PPARD: variants seen among roughly 807,000 people sequenced by gnomAD.
PPARD encodes peroxisome proliferator activated receptor delta, also known as peroxisome proliferator-activated receptor delta.
In PPARD, 6 loss-of-function variants were observed where a neutral mutation model predicts 39.5. That is an observed-to-expected ratio of 0.15 (90% CI 0.08 to 0.30). The LOEUF (loss-of-function observed/expected upper bound fraction) is 0.30, where lower values mean the gene tolerates loss of function less well. Ranked by LOEUF, PPARD falls within the 10% of genes least tolerant of loss-of-function variation. PPARD has a pLI of 1.00. For missense variants in PPARD, 397 were observed against 596.8 expected, an observed-to-expected ratio of 0.67 and a Z score of 3.49; for synonymous variants, 210 against 231.3, an observed-to-expected ratio of 0.91 and a Z score of 0.83.
chr6:35,391,426 G>T (rs983572949), intron 2 of PPARD, among the ~76,000 whole-genome samples: 5 of 152,186 alleles, frequency 3.3e-5, no homozygotes, highest in Admixed American at 6.5e-5. Flanking sequence ...TTAGATTCGG[G>T]TTTACGTTGT....
At chr6:35,421,782 T>C (rs200627356) in intron 4 of PPARD, 38 bp from the exon 5 acceptor site, 12 of 1,570,670 alleles carry the variant, frequency 7.6e-6, no homozygotes, top group Non-Finnish European at 1.0e-5. Context: ...CCCTCCCACC[T>C]CCTGGTGGCC....
At chr6:35,389,174 A>G (rs1434625375) in intron 2 of PPARD, among the ~76,000 whole-genome samples, 1 of 152,230 alleles carries the variant, frequency 6.6e-6, no homozygotes, top group East Asian at 1.9e-4. Flanking sequence ...CAACAGAGCA[A>G]GACCCTGTCT....
In PPARD at chr6:35,406,259, G is replaced by A. The variant is rs563578738; in HGVS notation, c.-101-4728G>A. On this transcript the variant is annotated intron_variant, in intron 2 of 7. Transcript: ENST00000360694. ...ATCTTTAGTGCCAGGGCTTAAGAAA[G>A]GAAGAGGAGAATAGGGTTCATTGCA... Among the ~76,000 whole-genome samples, 52 of 152,324 alleles carry A rather than the reference G, an allele frequency of 3.4e-4. No homozygotes were observed. In the South Asian group the frequency reaches 9.9e-3, roughly 29 times the overall value.
chr6:35,396,866 G>T (rs1180988709), intron 2 of PPARD, among the ~76,000 whole-genome samples: 1 of 152,162 alleles, frequency 6.6e-6, no homozygotes, highest in South Asian at 2.1e-4. Flanking sequence ...TTTCTGTGTT[G>T]CCCAGGGTGG....
chr6:35,381,254 G>C (rs969543061), intron 2 of PPARD, among the ~76,000 whole-genome samples: 4 of 152,006 alleles, frequency 2.6e-5, no homozygotes, highest in African/African-American at 9.7e-5. Flanking sequence ...TATTTGTAAC[G>C]TAATGACAAA....
intron 2 of PPARD, among the ~76,000 whole-genome samples, chr6:35,370,013 A>C (rs532560810): frequency 1.3e-5 from 2 of 152,336 alleles, no homozygotes; most frequent in South Asian, 4.1e-4. Flanking sequence ...ATATTGCCAA[A>C]TTCTAGAAAG....
At position 35,424,808 on chromosome 6, in the gene PPARD, C is replaced by G; in HGVS notation, c.1078+29C>G. The G allele has an allele frequency of 6.2e-7, 1 of 1,603,838 alleles. No homozygotes were observed. Among genetic ancestry groups the G allele is most frequent in the Non-Finnish European group, 8.5e-7 (1 of 1,174,006 alleles). On this transcript the variant is annotated intron_variant, in intron 7 of 7. Coordinates refer to ENST00000360694, the MANE Select transcript of PPARD (RefSeq NM_006238.5). The surrounding 1 kb of genome is among the most constrained non-coding windows in gnomAD (Gnocchi z 7.1). ...AGTGAGAGTGGGGCAGGTGGGCTGG[C>G]CTGGCACACCCAGTCGTCCTGGGGG...
At position 35,424,215 on chromosome 6, in the gene PPARD, T is replaced by G; in HGVS notation, c.627+67T>G. ...TGGGTCCCACTGCCGCCTGCCTGAC[T>G]CCGGGAGAGCCAGGCCTTCTCCCTC... On this transcript the variant is annotated intron_variant, in intron 6 of 7. Transcript: ENST00000360694. This position sits in a 1 kb window ranked among gnomAD's most constrained non-coding sequence, Gnocchi z 7.1. 5 of 1,597,828 alleles carry G rather than the reference T, an allele frequency of 3.1e-6. No homozygotes were observed. The highest frequency in any genetic ancestry group is 4.3e-6 in the Non-Finnish European group (5 of 1,171,466).
rs1036934491 is a variant in PPARD at position 35,412,020 on chromosome 6, C to G, written c.130+803C>G. On this transcript the variant is annotated intron_variant, in intron 3 of 7. Coordinates refer to ENST00000360694, the MANE Select transcript of PPARD (RefSeq NM_006238.5). This position sits in a 1 kb window ranked among gnomAD's most constrained non-coding sequence, Gnocchi z 4.1. Reference sequence around the variant, plus strand: ...CTCAGCTCACTGCAACCTCTGCCTCCTGGGTTCAAGTGATTCTCCTGCCTC... The same window carrying G: ...CTCAGCTCACTGCAACCTCTGCCTCGTGGGTTCAAGTGATTCTCCTGCCTC... Among the ~76,000 whole-genome samples the G allele has an allele frequency of 3.3e-5, 5 of 152,192 alleles. No homozygotes were observed. Among genetic ancestry groups the G allele is most frequent in the African/African-American group, 1.2e-4 (5 of 41,460 alleles).
intron 2 of PPARD, among the ~76,000 whole-genome samples, chr6:35,396,702 C>T (rs544415478): frequency 2.0e-5 from 3 of 151,848 alleles, no homozygotes; most frequent in East Asian, 2.0e-4. Context: ...TGGTAGCATG[C>T]GCCTGTAGTC....
chr6:35,379,059 G>A (rs1263653874), intron 2 of PPARD, among the ~76,000 whole-genome samples: 2 of 151,652 alleles, frequency 1.3e-5, no homozygotes, highest in Non-Finnish European at 2.9e-5. Context: ...TCAGAGGTGG[G>A]CACAGGGTTA....
intron 2 of PPARD, among the ~76,000 whole-genome samples, chr6:35,371,785 G>A (rs1434417181): frequency 6.6e-6 from 1 of 152,218 alleles, no homozygotes; most frequent in East Asian, 1.9e-4. Flanking sequence ...TGCTGCAGAC[G>A]TACATGAACC....
chr6:35,411,187 C>A lies in PPARD; in HGVS notation c.100C>A (p.Gln34Lys). ...AGCCCCAGAGCTCAATGGGGGACCACAGCATGCACTTCCTTCCAGCAGCTA... is the reference window on the plus strand; with the variant it reads ...AGCCCCAGAGCTCAATGGGGGACCAAAGCATGCACTTCCTTCCAGCAGCTA... ...EGAPELNGGPQHALPSSSYTD... is the reference protein window; with the variant it reads ...EGAPELNGGPKHALPSSSYTD... Residue 34 changes from glutamine to lysine, a missense_variant, in exon 3 of 8, where the codon CAG (glutamine) becomes AAG (lysine). Gln to Lys is a moderately conservative substitution (Grantham distance 53). Coordinates refer to ENST00000360694, the MANE Select transcript of PPARD (RefSeq NM_006238.5). 6.4e-7 allele frequency: 1 copy of A among 1,559,408 alleles called. No individual in the cohort carries two copies. The highest frequency in any genetic ancestry group is 8.7e-7 in the Non-Finnish European group (1 of 1,151,918).
intron 2 of PPARD, among the ~76,000 whole-genome samples, chr6:35,371,556 TCA>T (rs1415356404): frequency 2.0e-5 from 3 of 152,034 alleles, no homozygotes; most frequent in East Asian, 1.9e-4. Context: ...CGTCATTCTC[TCA>T]GTTTCCCGGA....
chr6:35,355,021 C>T (rs1166382923), intron 2 of PPARD, among the ~76,000 whole-genome samples: 5 of 152,160 alleles, frequency 3.3e-5, no homozygotes, highest in Admixed American at 3.3e-4. Flanking sequence ...GGCTTGTCCT[C>T]TTTCTGTCAA....
chr6:35,370,552 C>A (rs116438212), intron 2 of PPARD, among the ~76,000 whole-genome samples: 11 of 152,304 alleles, frequency 7.2e-5, no homozygotes, highest in South Asian at 2.1e-4. Flanking sequence ...GTGGTGGGCA[C>A]CCACATGGCT....
chr6:35,422,244 T>A (rs1367868106), intron 5 of PPARD, among the ~76,000 whole-genome samples: 1 of 152,200 alleles, frequency 6.6e-6, no homozygotes, highest in Non-Finnish European at 1.5e-5. Flanking sequence ...AGAAGGGAAC[T>A]GATAATTGAT....
At chr6:35,410,686 CAG>C (rs1334177678) in intron 2 of PPARD, among the ~76,000 whole-genome samples, 1 of 152,146 alleles carries the variant, frequency 6.6e-6, no homozygotes, top group African/African-American at 2.4e-5. Context: ...CCTGGAGACT[CAG>C]AACAGAAGGC....
chr6:35,390,920 G>A (rs988011679), intron 2 of PPARD, among the ~76,000 whole-genome samples: 3 of 152,184 alleles, frequency 2.0e-5, no homozygotes, highest in African/African-American at 7.2e-5. Flanking sequence ...TACTCAGGAG[G>A]CTGAGGCAGG....
Sources: allele counts gnomAD v4.1 joint callset (sites outside exome capture counted in the v4.1 genomes callset), GRCh38; gene constraint gnomAD v4.1.1; non-coding constraint Gnocchi (gnomAD v3.1); transcripts MANE v1.5; gene names NCBI Gene and HGNC (gene_info 2026-07-23, HGNC 2026-07-21).